The following KLRG1 variants were observed in gnomAD, a reference collection of about 807,000 sequenced individuals.
KLRG1 encodes the protein killer cell lectin like receptor G1, also known as killer cell lectin-like receptor subfamily G member 1.
Under a neutral mutation model 21.8 loss-of-function variants are expected in KLRG1, and 16 were observed. The ratio of observed to expected loss-of-function variants is 0.73; its 90% confidence interval spans 0.50 to 1.11. KLRG1 has a LOEUF of 1.11. Among genes scored for constraint, KLRG1 ranks in the 50% most tolerant of loss-of-function variants. KLRG1 has a pLI of 0.00. For synonymous variants in KLRG1, 69 were observed against 75.9 expected (o/e 0.91, Z 0.47); for missense variants, 173 against 218.3 (o/e 0.79, Z 1.31).
At chr12:9,208,258 C>A in the KLRG1 span, 1 of 1,610,938 alleles carries the variant, frequency 6.2e-7, no homozygotes, top group Non-Finnish European at 8.5e-7. Flanking sequence ...GTGAGACTTA[C>A]GGTTCTGTAG....
At chr12:9,198,874 G>A in the KLRG1 span, among the ~76,000 whole-genome samples, 2 of 152,184 alleles carry the variant, frequency 1.3e-5, no homozygotes, top group South Asian at 4.1e-4. Flanking sequence ...AGGCTGAAAT[G>A]AGGCAGAGAT....
At chr12:9,068,017 CAG>C in the KLRG1 span, 1 of 984,648 alleles carries the variant, frequency 1.0e-6, no homozygotes, top group Non-Finnish European at 1.5e-6. Context: ...TGAGGTTTGA[CAG>C]AGTCAGCGGC....
In KLRG1 at chr12:9,010,187, A is replaced by T. The variant is rs1947602129; in HGVS notation, c.*650A>T. ...GGAGATAGAGCAAGACTCCATCTCT[A>T]AAAAAAAAAAAAAATGCTAATGTGA... is the stretch of plus-strand genomic sequence containing the variant. On this transcript the variant is annotated 3_prime_UTR_variant, in exon 5 of 5. Coordinates refer to ENST00000356986, the MANE Select transcript of KLRG1 (RefSeq NM_005810.4). 4.2e-5 allele frequency: 5 copies of T among 119,946 alleles called. No individual in the cohort carries two copies. The highest frequency in any genetic ancestry group is 2.1e-4 in the South Asian group (1 of 4,652). 7.4% of individuals were successfully genotyped at this position (119,946 alleles called of 1,614,324 possible).
At chr12:9,133,318 A>G in the KLRG1 span, among the ~76,000 whole-genome samples, 3 of 152,204 alleles carry the variant, frequency 2.0e-5, no homozygotes, top group Non-Finnish European at 4.4e-5. Context: ...ATGTGTGGCA[A>G]GTAAAGCAAT....
At chr12:9,034,644 A>C in the KLRG1 span, among the ~76,000 whole-genome samples, 1 of 152,070 alleles carries the variant, frequency 6.6e-6, no homozygotes, top group African/African-American at 2.4e-5. Flanking sequence ...GACGGGTTTC[A>C]TCATGTTGGC....
chr12:9,150,478 T>G, the KLRG1 span, among the ~76,000 whole-genome samples: 1 of 152,114 alleles, frequency 6.6e-6, no homozygotes, highest in African/African-American at 2.4e-5. Context: ...GAGATGGGGT[T>G]TTGCTATGTT....
chr12:9,090,955 C>T, the KLRG1 span, among the ~76,000 whole-genome samples: 3 of 152,146 alleles, frequency 2.0e-5, no homozygotes, highest in Non-Finnish European at 4.4e-5. Context: ...GAATAGAGTA[C>T]TGACTTTTGT....
chr12:9,206,725 GA>G, the KLRG1 span, among the ~76,000 whole-genome samples: 1 of 152,042 alleles, frequency 6.6e-6, no homozygotes, highest in Non-Finnish European at 1.5e-5. Context: ...TATAAAGGGA[GA>G]AAACACCCCT....
chr12:9,109,975 G>T, the KLRG1 span: 2 of 1,613,750 alleles, frequency 1.2e-6, no homozygotes, highest in Admixed American at 3.3e-5. Context: ...AAAGAAAATT[G>T]CTTGAGGCCA....
chr12:9,124,237 A>T, the KLRG1 span, among the ~76,000 whole-genome samples: 2 of 152,336 alleles, frequency 1.3e-5, no homozygotes, highest in South Asian at 4.1e-4. Flanking sequence ...ATGGGATACC[A>T]TTGATGGTAG....
At chr12:9,161,773 T>C in the KLRG1 span, among the ~76,000 whole-genome samples, 1 of 152,218 alleles carries the variant, frequency 6.6e-6, no homozygotes, top group Admixed American at 6.5e-5. Context: ...GGCGGTTCTG[T>C]ATAAAAGCTA....
At chr12:9,069,843 A>AAT in the KLRG1 span, 1 of 1,604,766 alleles carries the variant, frequency 6.2e-7, no homozygotes, top group Non-Finnish European at 8.5e-7. Flanking sequence ...CACAAATGTT[A>AAT]ATAAATAGAT....
the KLRG1 span, among the ~76,000 whole-genome samples, chr12:9,087,745 G>A: frequency 6.6e-6 from 1 of 151,898 alleles, no homozygotes; most frequent in Non-Finnish European, 1.5e-5. Flanking sequence ...TTTGTATGCT[G>A]TATATATATA....
Position 9,009,572 on chromosome 12 carries a change from C to T in KLRG1, c.*35C>T. ...ACTCTGTCCTGACCCTCAGATCTGT[C>T]ATGTATCCCTAAAAGGAGGGAGCTG... On this transcript the variant is annotated 3_prime_UTR_variant, in exon 5 of 5. Transcript: ENST00000356986. 1.2e-6 allele frequency: 2 copies of T among 1,607,174 alleles called. No individual in the cohort carries two copies. The highest frequency in any genetic ancestry group is 1.1e-5 in the South Asian group (1 of 90,430).
chr12:8,974,809 G>C (rs1946630539), intron 1 of KLRG1, among the ~76,000 whole-genome samples: 1 of 151,958 alleles, frequency 6.6e-6, no homozygotes, highest in South Asian at 2.1e-4. Context: ...TTTTATCAGG[G>C]ACATTTGTCT....
the KLRG1 span, chr12:9,089,359 G>T: frequency 1.2e-6 from 1 of 824,190 alleles, no homozygotes; most frequent in Non-Finnish European, 2.0e-6. Flanking sequence ...GATTTGAACT[G>T]TATTATCTAA....
At chr12:8,978,067 G>A (rs867549865) in intron 1 of KLRG1, among the ~76,000 whole-genome samples, 2 of 152,086 alleles carry the variant, frequency 1.3e-5, no homozygotes, top group Admixed American at 6.5e-5. Flanking sequence ...GTGTGCATTG[G>A]TTAACAAATC....
chr12:9,202,474 T>G, the KLRG1 span: 1 of 1,612,726 alleles, frequency 6.2e-7, no homozygotes, highest in African/African-American at 1.3e-5. Flanking sequence ...CTTTGGCTGT[T>G]CAGGTGGCCC....
At chr12:9,007,159 G>C (rs899844796) in intron 3 of KLRG1, among the ~76,000 whole-genome samples, 1 of 152,192 alleles carries the variant, frequency 6.6e-6, no homozygotes, top group African/African-American at 2.4e-5. Context: ...CCAGTGAAGA[G>C]AAAATAGAGG....
Sources: gnomAD v4.1 joint callset for allele counts (sites outside exome capture counted in the v4.1 genomes callset) on GRCh38, gnomAD v4.1.1 for gene constraint, MANE v1.5 for transcripts, NCBI Gene and HGNC (gene_info 2026-07-23, HGNC 2026-07-21) for gene names.